SLTM: variants seen among roughly 807,000 people sequenced by gnomAD.
SLTM encodes SAFB-like transcription modulator.
A neutral mutation model predicts 134.6 loss-of-function variants in SLTM; 43 were observed. The ratio of observed to expected loss-of-function variants is 0.32; its 90% CI spans 0.25 to 0.41. The LOEUF is 0.41. Among genes scored for constraint, SLTM ranks in the 10% least tolerant of loss-of-function variants. SLTM has a pLI of 1.00. For synonymous variants in SLTM, 424 were observed against 432.3 expected (o/e 0.98, Z 0.24); for missense variants, 1,055 against 1,288.8 (o/e 0.82, Z 2.78).
At chr15:58,930,707 TAA>T (rs35877115) in intron 2 of SLTM, among the ~76,000 whole-genome samples, 2 of 139,328 alleles carry the variant, frequency 1.4e-5, no homozygotes, top group Non-Finnish European at 3.1e-5. Flanking sequence ...AATACCCTAT[TAA>T]AAAATATATA....
chr15:58,901,080 G>T (rs1181819188), intron 6 of SLTM, 180 bp downstream of exon 6: 1 of 592,408 alleles, frequency 1.7e-6, no homozygotes, highest in Non-Finnish European at 3.0e-6. Flanking sequence ...TATCTTTAGT[G>T]TTCAAAAGAA....
In SLTM at chr15:58,888,431, C is replaced by G; in HGVS notation, c.2329G>C (p.Gly777Arg). 6.2e-7 allele frequency: 1 copy of G among 1,612,956 alleles called. No individual in the cohort carries two copies. Among genetic ancestry groups the G allele is most frequent in the Non-Finnish European group, 8.5e-7 (1 of 1,179,740 alleles). ...ACTGCTGAACTCTCAGGAAACCTGC[C>G]CCTCTCTCGGTGATCAAAGTCATTA... Reference protein sequence around the residue: ...RFNDFDHRERGRFPESSAVQS... With the variant: ...RFNDFDHRERRRFPESSAVQS... The change falls in exon 17 of 21, where the codon GGC becomes CGC. Residue 777 changes from glycine (G) to arginine (R), a missense_variant. By Grantham distance (125) the Gly-to-Arg change is moderately radical. Transcript: ENST00000380516.
intron 10 of SLTM, 28 bp downstream of exon 10, chr15:58,894,405 G>A (rs1416559663): frequency 1.2e-6 from 2 of 1,612,484 alleles, no homozygotes; most frequent in South Asian, 2.2e-5. Context: ...AATTAGACTT[G>A]CTTTGATAAA....
At chr15:58,900,477 G>A (rs2035394183) in intron 6 of SLTM, 1 of 153,028 alleles carries the variant, frequency 6.5e-6, no homozygotes, top group African/African-American at 2.4e-5. Context: ...AGATGCTCCT[G>A]CTCCGTGACG....
intron 20 of SLTM, among the ~76,000 whole-genome samples, chr15:58,882,508 G>C (rs1490313128): frequency 1.3e-5 from 2 of 152,072 alleles, no homozygotes; most frequent in Non-Finnish European, 2.9e-5. Flanking sequence ...CTAGAAAACA[G>C]ACTCCCTCAA....
chr15:58,906,814 G>T (rs1459729130), intron 5 of SLTM, among the ~76,000 whole-genome samples: 1 of 152,168 alleles, frequency 6.6e-6, no homozygotes, highest in Admixed American at 6.6e-5. Flanking sequence ...GTTTTTAGCT[G>T]GAAAGACTGA....
intron 7 of SLTM, 112 bp from the exon 8 acceptor site, chr15:58,898,964 C>A: frequency 1.3e-6 from 1 of 743,150 alleles, no homozygotes. Context: ...TACAAATTAA[C>A]AATTCCAAAG....
In SLTM at chr15:58,902,389, G is replaced by GTT. The variant is rs11380812; in HGVS notation, c.562-1104_562-1103dup. ...GCTTGGCTTAAGAAATGTTTTGATT[G>GTT]TTTTTTTTTTTTTTTAAACAGGTTC... On this transcript the variant is annotated intron_variant, in intron 5 of 20. Transcript: ENST00000380516. Among the ~76,000 whole-genome samples, 890 of 142,694 alleles carry GTT rather than the reference G, an allele frequency of 6.2e-3. 3 individuals are homozygous for GTT. The highest frequency in any genetic ancestry group is 0.011 in the African/African-American group (433 of 38,822). The allele number at this position is 142,694 out of a possible 152,430, so 93.6% of individuals were successfully genotyped here.
Position 58,933,393 on chromosome 15 carries a change from C to G in SLTM, c.162+11G>C. ...CCTTCCCGGTCCTTTCCGGTCCTCGCCGGGCCTCACCTGCTTGAGTCGGGA... is the reference window on the plus strand; with the variant it reads ...CCTTCCCGGTCCTTTCCGGTCCTCGGCGGGCCTCACCTGCTTGAGTCGGGA... On this transcript the variant is annotated intron_variant, in intron 1 of 20. Transcript: ENST00000380516. 1 of 1,571,636 alleles carries G rather than the reference C, an allele frequency of 6.4e-7. No individual in the cohort carries two copies. The highest frequency in any genetic ancestry group is 8.6e-7 in the Non-Finnish European group (1 of 1,158,478).
intron 2 of SLTM, among the ~76,000 whole-genome samples, chr15:58,927,664 G>GCT (rs2037576242): frequency 6.6e-6 from 1 of 152,180 alleles, no homozygotes; most frequent in Non-Finnish European, 1.5e-5. Context: ...TACGTGCCAT[G>GCT]CTCTACACCA....
rs1213354633 is a variant in SLTM at position 58,880,125 on chromosome 15, G to GA, written c.2997-19dup. The GA allele has an allele frequency of 1.2e-6, 2 of 1,605,422 alleles. No individual in the cohort carries two copies. The highest frequency in any genetic ancestry group is 1.7e-6 in the Non-Finnish European group (2 of 1,176,364). On this transcript the variant is annotated intron_variant, in intron 20 of 20. Coordinates refer to ENST00000380516, the MANE Select transcript of SLTM (RefSeq NM_024755.4). ...ATGCGTTACTGAAAAAGGTTTAAAA[G>GA]AAAAAAACATCAGAGAACAAAGAAC...
Position 58,890,300 on chromosome 15 carries a change from TC to T in SLTM, c.2059del (p.Glu687AsnfsTer40). The T allele has an allele frequency of 6.2e-7, 1 of 1,614,054 alleles. No individual in the cohort carries two copies. Among genetic ancestry groups the T allele is most frequent in the Non-Finnish European group, 8.5e-7 (1 of 1,179,962 alleles). ...CTGCACCTGTTCAATACGAATGCGT[TC>T]CCTTTCCAAGCGTTCGCGTTCCATT... Reference protein sequence around the residue: ...ERMERERLERERIRIEQERRK... With the variant: ...ERMERERLERXRIRIEQERRK... On this transcript the variant is annotated frameshift_variant, in exon 15 of 21. Transcript: ENST00000380516. LOFTEE classifies it high-confidence loss of function.
At chr15:58,883,474 C>CT in intron 20 of SLTM, 152 bp downstream of exon 20, 2 of 963,488 alleles carry the variant, frequency 2.1e-6, no homozygotes, top group Middle Eastern at 3.3e-4. Context: ...TGCAAACACT[C>CT]TTTTGGAGAC....
chr15:58,918,013 C>G (rs2036766799), intron 2 of SLTM, among the ~76,000 whole-genome samples: 1 of 151,808 alleles, frequency 6.6e-6, no homozygotes, highest in African/African-American at 2.4e-5. Context: ...CTTAGCCTCC[C>G]AAAGTGCTAG....
chr15:58,916,911 T>TA, intron 3 of SLTM, 24 bp downstream of exon 3: 1 of 1,606,696 alleles, frequency 6.2e-7, no homozygotes, highest in Non-Finnish European at 8.5e-7. Flanking sequence ...ATAAGCATCT[T>TA]AACCTGAGTA....
intron 2 of SLTM, among the ~76,000 whole-genome samples, chr15:58,920,145 C>A (rs2036921747): frequency 6.6e-6 from 1 of 150,678 alleles, no homozygotes; most frequent in South Asian, 2.1e-4. Flanking sequence ...CAAAACCCCA[C>A]CTCTACTAAA....
intron 5 of SLTM, among the ~76,000 whole-genome samples, chr15:58,903,984 C>T (rs1467295397): frequency 6.6e-6 from 1 of 151,000 alleles, no homozygotes; most frequent in Non-Finnish European, 1.5e-5. Context: ...TAAGTATTTT[C>T]TCTCTCTCTT....
At chr15:58,921,551 A>G (rs1226757642) in intron 2 of SLTM, 1 of 442,716 alleles carries the variant, frequency 2.3e-6, no homozygotes. Flanking sequence ...TTACAATACA[A>G]TCACACTGGA....
At chr15:58,912,789 C>G in intron 4 of SLTM, 179 bp from the exon 5 acceptor site, 1 of 537,808 alleles carries the variant, frequency 1.9e-6, no homozygotes, top group Non-Finnish European at 3.3e-6. Context: ...AAAAATTAGC[C>G]ATGTCGCTAG....
Sources: gnomAD v4.1 joint callset for allele counts (sites outside exome capture counted in the v4.1 genomes callset) on GRCh38, gnomAD v4.1.1 for gene constraint, MANE v1.5 for transcripts, NCBI Gene and HGNC (gene_info 2026-07-23, HGNC 2026-07-21) for gene names.